Variants in FSHR observed in about 807,000 individuals in gnomAD.
FSHR encodes follicle-stimulating hormone receptor.
A neutral mutation model predicts 52.1 loss-of-function variants in FSHR; 46 were observed. The ratio of observed to expected loss-of-function variants is 0.88; its 90% CI spans 0.70 to 1.13. The LOEUF (loss-of-function observed/expected upper bound fraction) is 1.13. Among genes scored for constraint, FSHR ranks in the 50% most tolerant of loss-of-function variants. FSHR has a pLI of 0.00. For synonymous variants in FSHR, 399 were observed against 309.6 expected (o/e 1.29, Z -3.03); for missense variants, 964 against 834.6 (o/e 1.16, Z -1.91).
chr2:48,971,217 C>T (rs1244489471), intron 8 of FSHR, among the ~76,000 whole-genome samples: 1 of 152,148 alleles, frequency 6.6e-6, no homozygotes, highest in Non-Finnish European at 1.5e-5. Context: ...AAGGATGATC[C>T]CTGCAGTTCC....
intron 1 of FSHR, among the ~76,000 whole-genome samples, chr2:49,072,244 C>G (rs1433487978): frequency 7.1e-6 from 1 of 140,168 alleles, no homozygotes; most frequent in Non-Finnish European, 1.5e-5. Context: ...ACCAACCAAA[C>G]AAACAAACAA....
intron 1 of FSHR, among the ~76,000 whole-genome samples, chr2:49,102,266 G>C (rs1382823750): frequency 6.6e-6 from 1 of 152,160 alleles, no homozygotes; most frequent in African/African-American, 2.4e-5. Context: ...ATGATCTATA[G>C]TCATCCTCCT....
chr2:48,977,614 A>G (rs894421512), intron 8 of FSHR, among the ~76,000 whole-genome samples: 3 of 152,192 alleles, frequency 2.0e-5, no homozygotes, highest in African/African-American at 2.4e-5. Context: ...CATCTGCTGT[A>G]TATTACTATA....
At chr2:49,132,999 A>G (rs754994230) in intron 1 of FSHR, among the ~76,000 whole-genome samples, 80 of 144,146 alleles carry the variant, frequency 5.5e-4, no homozygotes, top group Non-Finnish European at 1.0e-3. Flanking sequence ...AAAAAAAGGC[A>G]AGTTTGTGGT....
intron 2 of FSHR, among the ~76,000 whole-genome samples, chr2:49,029,923 G>C (rs530524036): frequency 9.9e-5 from 15 of 152,222 alleles, no homozygotes; most frequent in African/African-American, 3.4e-4. Flanking sequence ...AAGGCAGCCA[G>C]CCTCATCCTT....
rs544845016 is a variant in FSHR at position 49,011,024 on chromosome 2, T to G, written c.374+6465A>C. ...TTTGAAGGGTTTTTTGTGTCTCTATTTCCTTCAGTTCTGCTCTGATTTTAG... is the reference window on the plus strand; with the variant it reads ...TTTGAAGGGTTTTTTGTGTCTCTATGTCCTTCAGTTCTGCTCTGATTTTAG... On this transcript the variant is annotated intron_variant, in intron 4 of 9. Transcript: ENST00000406846. Among the ~76,000 whole-genome samples, 161 of 151,300 alleles carry G rather than the reference T, an allele frequency of 1.1e-3. 1 individual carries two copies. The highest frequency in any genetic ancestry group is 6.8e-3 in the Middle Eastern group (2 of 294).
At chr2:49,152,648 G>C (rs963560093) in intron 1 of FSHR, among the ~76,000 whole-genome samples, 2 of 152,104 alleles carry the variant, frequency 1.3e-5, no homozygotes, top group African/African-American at 2.4e-5. Context: ...ATTAAAACTT[G>C]TTTGGGTCTG....
rs116332503 is a variant in FSHR at position 49,146,690 on chromosome 2, A to C, written c.152+7576T>G. On this transcript the variant is annotated intron_variant, in intron 1 of 9. Coordinates refer to ENST00000406846, the MANE Select transcript of FSHR (RefSeq NM_000145.4). ...TTGGTTTGGGGAAGTTTGGTGCCTG[A>C]AGATGCTTGTAAAATCAAAGCATTT... 9.1e-3 allele frequency among the ~76,000 whole-genome samples: 1,392 copies of C among 152,196 alleles called. 23 individuals are homozygous for C. The highest frequency in any genetic ancestry group is 0.031 in the African/African-American group (1,308 of 41,548).
Position 49,071,377 on chromosome 2 carries a change from C to T in FSHR, c.153-3087G>A, listed in dbSNP as rs1055162250. Among the ~76,000 whole-genome samples the T allele has an allele frequency of 2.0e-5, 3 of 152,128 alleles. No individual in the cohort carries two copies. In the East Asian group the frequency reaches 5.8e-4, roughly 29 times the overall value. On this transcript the variant is annotated intron_variant, in intron 1 of 9. Coordinates refer to ENST00000406846, the MANE Select transcript of FSHR (RefSeq NM_000145.4). Reference sequence around the variant, plus strand: ...TAATTAGAAAACCTTGTAAAAATATCTTCAAAATTATTAGAGAAAATAACT... The same window carrying T: ...TAATTAGAAAACCTTGTAAAAATATTTTCAAAATTATTAGAGAAAATAACT...
intron 1 of FSHR, among the ~76,000 whole-genome samples, chr2:49,107,025 C>G (rs1277751404): frequency 6.6e-6 from 1 of 152,122 alleles, no homozygotes; most frequent in Non-Finnish European, 1.5e-5. Flanking sequence ...CTAAAGACAA[C>G]TTTCTAAATG....
chr2:49,100,376 C>A (rs1670982278), intron 1 of FSHR, among the ~76,000 whole-genome samples: 1 of 152,134 alleles, frequency 6.6e-6, no homozygotes, highest in African/African-American at 2.4e-5. Flanking sequence ...ATTCACAGTA[C>A]TTTCTCCTTT....
chr2:49,017,372 C>T, intron 4 of FSHR, 117 bp downstream of exon 4: 2 of 755,072 alleles, frequency 2.6e-6, no homozygotes, highest in Non-Finnish European at 2.3e-6. Flanking sequence ...ACTTCTGCCC[C>T]CCACCACCAT....
At chr2:49,072,085 G>A (rs1504170) in intron 1 of FSHR, among the ~76,000 whole-genome samples, 37,090 of 152,016 alleles carry the variant, frequency 0.24, 4,621 homozygotes, top group South Asian at 0.3. Context: ...ACTAGGTTAC[G>A]AAGAAAATTA....
chr2:49,058,864 A>G (rs1264784840), intron 2 of FSHR, among the ~76,000 whole-genome samples: 2 of 152,218 alleles, frequency 1.3e-5, no homozygotes, highest in Admixed American at 6.5e-5. Context: ...TATTGTTAAA[A>G]TGACCTTACT....
chr2:49,145,453 C>A (rs1423737416), intron 1 of FSHR, among the ~76,000 whole-genome samples: 1 of 152,010 alleles, frequency 6.6e-6, no homozygotes, highest in Non-Finnish European at 1.5e-5. Flanking sequence ...CTGAAATCAT[C>A]CCACGGTGGT....
intron 4 of FSHR, among the ~76,000 whole-genome samples, chr2:49,013,233 C>A (rs1319537653): frequency 6.6e-6 from 1 of 151,566 alleles, no homozygotes; most frequent in East Asian, 1.9e-4. Context: ...CTTGGACTTC[C>A]CAGCCTCTAG....
intron 6 of FSHR, among the ~76,000 whole-genome samples, chr2:48,987,025 T>G (rs1216005603): frequency 6.6e-6 from 1 of 152,100 alleles, no homozygotes; most frequent in Non-Finnish European, 1.5e-5. Flanking sequence ...TCAAGAAAGA[T>G]CCAAATAAAC....
At chr2:49,081,061 C>T (rs1209613575) in intron 1 of FSHR, among the ~76,000 whole-genome samples, 7 of 152,130 alleles carry the variant, frequency 4.6e-5, no homozygotes, top group Admixed American at 4.6e-4. Flanking sequence ...CTTACTTTCT[C>T]TGCCTTCTGA....
chr2:49,145,248 A>G (rs1672828874), intron 1 of FSHR, among the ~76,000 whole-genome samples: 1 of 152,074 alleles, frequency 6.6e-6, no homozygotes, highest in Non-Finnish European at 1.5e-5. Context: ...GAAAAGATTG[A>G]GTCTCTTGTA....
Sources: gnomAD v4.1 joint callset for allele counts (sites outside exome capture counted in the v4.1 genomes callset) on GRCh38, gnomAD v4.1.1 for gene constraint, MANE v1.5 for transcripts, NCBI Gene and HGNC (gene_info 2026-07-23, HGNC 2026-07-21) for gene names.